Variants in ABCA6 observed in about 807,000 individuals in gnomAD.
ABCA6 encodes ATP-binding cassette sub-family A member 6.
In ABCA6, 164 loss-of-function variants were observed where a neutral mutation model predicts 191.2. That is an observed-to-expected ratio of 0.86 (90% CI 0.76 to 0.98). ABCA6 has a LOEUF of 0.98. Ranked by LOEUF, ABCA6 falls within the 50% of genes least tolerant of loss-of-function variation. The pLI, the probability that ABCA6 is intolerant of heterozygous loss-of-function variation, is 0.00. For missense variants in ABCA6, 1,958 were observed against 1,894.1 expected, an observed-to-expected ratio of 1.03 and a Z score of -0.63; for synonymous variants, 636 against 647.7, an observed-to-expected ratio of 0.98 and a Z score of 0.27.
intron 6 of ABCA6, among the ~76,000 whole-genome samples, chr17:69,130,929 C>T (rs2073850786): frequency 6.6e-6 from 1 of 152,186 alleles, no homozygotes; most frequent in Admixed American, 6.6e-5. Flanking sequence ...ATAAAGTATG[C>T]TGCACCCTTA....
chr17:69,119,847 AAAC>A (rs1396510972), intron 10 of ABCA6, among the ~76,000 whole-genome samples: 1 of 152,098 alleles, frequency 6.6e-6, no homozygotes, highest in African/African-American at 2.4e-5. Context: ...AAAAAATTAG[AAAC>A]AACTAGAATA....
At chr17:69,100,693 T>A in intron 22 of ABCA6, 104 bp downstream of exon 22, 1 of 1,221,104 alleles carries the variant, frequency 8.2e-7, no homozygotes, top group Non-Finnish European at 1.1e-6. Flanking sequence ...AATAATAATT[T>A]TCAGGCTTAA....
In ABCA6 at chr17:69,079,059, A is replaced by G. The variant is rs769916771; in HGVS notation, c.4768T>C (p.Ser1590Pro). ...CTLEKVFLEL[S>P]KEQEVGNFDE... ...AAATTTCCTACTTCCTGTTCTTTAG[A>G]AAGCTCTAAGAATACCTAATTAGGA... Residue 1590 changes from serine to proline, a missense_variant, in exon 39 of 39, where the codon TCT (serine) becomes CCT (proline). By Grantham distance (74) the Ser-to-Pro change is moderately conservative. Transcript: ENST00000284425. The G allele has an allele frequency of 2.2e-5, 36 of 1,609,518 alleles. 1 individual carries two copies. Among genetic ancestry groups the G allele is most frequent in the Middle Eastern group, 1.7e-4 (1 of 6,056 alleles).
In ABCA6 at chr17:69,128,687, G is replaced by A; in HGVS notation, c.1051C>T (p.Leu351Phe). The A allele has an allele frequency of 6.2e-7, 1 of 1,613,444 alleles. No homozygotes were observed. Among genetic ancestry groups the A allele is most frequent in the South Asian group, 1.1e-5 (1 of 91,014 alleles). The change falls in exon 8 of 39, where the codon CTT (leucine) becomes TTT (phenylalanine). Residue 351 changes from leucine (L) to phenylalanine (F), a missense_variant. Leu to Phe is a conservative substitution (Grantham distance 22, BLOSUM62 0). Coordinates refer to ENST00000284425, the MANE Select transcript of ABCA6 (RefSeq NM_080284.3). ...AAAATCCACTCCAGAGATGAAGGAA[G>A]TTGTTCATAAAATACAGTGAATCCC... ...CLGFTVFYEQ[L>F]PSSLEWILNI... is the part of the protein sequence containing the mutation.
intron 37 of ABCA6, among the ~76,000 whole-genome samples, chr17:69,079,656 G>A (rs1163545293): frequency 6.6e-6 from 1 of 152,100 alleles, no homozygotes; most frequent in Non-Finnish European, 1.5e-5. Context: ...CTCTCTGCTG[G>A]ACTTCCCCAC....
intron 9 of ABCA6, 128 bp from the exon 10 acceptor site, chr17:69,123,535 T>G: frequency 1.9e-6 from 1 of 537,850 alleles, no homozygotes; most frequent in Non-Finnish European, 2.9e-6. Context: ...CTTCTAAAAC[T>G]CAATTTATTA....
At chr17:69,111,457 G>A (rs866344909) in intron 16 of ABCA6, 1 of 152,634 alleles carries the variant, frequency 6.6e-6, no homozygotes, top group Non-Finnish European at 1.5e-5. Context: ...GAGGGACCCA[G>A]TGGGAGGTAA....
In ABCA6 at chr17:69,088,160, C is replaced by A; in HGVS notation, c.3698+7G>T. 1 of 1,606,634 alleles carries A rather than the reference C, an allele frequency of 6.2e-7. No homozygotes were observed. The highest frequency in any genetic ancestry group is 8.5e-7 in the Non-Finnish European group (1 of 1,175,588). ...ATATTAAGTATAAAGTTAAATTTCA[C>A]CCCAACCTGAAAACAGGATCTTTTC... On this transcript the variant is annotated splice_region_variant and intron_variant, in intron 28 of 38. Transcript: ENST00000284425.
intron 25 of ABCA6, among the ~76,000 whole-genome samples, chr17:69,091,950 G>A (rs1255162571): frequency 1.3e-5 from 2 of 150,216 alleles, no homozygotes; most frequent in African/African-American, 2.5e-5. Flanking sequence ...AAGTTACATG[G>A]CTATTATAAA....
chr17:69,096,751 G>A lies in ABCA6; in HGVS notation c.3171C>T (p.Tyr1057=). Residue 1057 remains tyrosine (Y), a synonymous_variant, in exon 24 of 39, where the codon TAC becomes TAT. Transcript: ENST00000284425. The stretch of plus-strand genomic sequence containing the variant: ...CGTCCACTAGTGCCTGCCCACACCA[G>A]TAAGCAGAAGTGTAGAGGCCTGAAA... ...LWISGLYTSA[Y]WCGQALVDVS... 1.9e-6 allele frequency: 3 copies of A among 1,579,392 alleles called. No individual in the cohort carries two copies. The highest frequency in any genetic ancestry group is 2.3e-5 in the East Asian group (1 of 43,590).
At chr17:69,132,829 C>T (rs1449960422) in intron 6 of ABCA6, among the ~76,000 whole-genome samples, 1 of 152,056 alleles carries the variant, frequency 6.6e-6, no homozygotes, top group African/African-American at 2.4e-5. Context: ...TTTATTATGA[C>T]ACAAATACAT....
At chr17:69,082,041 T>C (rs984640459) in intron 36 of ABCA6, among the ~76,000 whole-genome samples, 1 of 152,144 alleles carries the variant, frequency 6.6e-6, no homozygotes, top group Non-Finnish European at 1.5e-5. Flanking sequence ...ATGTCCAAGA[T>C]TGGCCCTTTT....
At chr17:69,105,733 C>G (rs1471078186) in intron 19 of ABCA6, 105 bp from the exon 20 acceptor site, 1 of 928,826 alleles carries the variant, frequency 1.1e-6, no homozygotes. Flanking sequence ...TTATGCCAAT[C>G]ATGATTCTAG....
intron 13 of ABCA6, among the ~76,000 whole-genome samples, chr17:69,114,115 G>A (rs901945424): frequency 6.6e-6 from 1 of 152,116 alleles, no homozygotes; most frequent in East Asian, 1.9e-4. Flanking sequence ...ACATGCACAC[G>A]TATGTTTATT....
intron 22 of ABCA6, 46 bp from the exon 23 acceptor site, chr17:69,098,073 G>A (rs1343506799): frequency 1.5e-6 from 2 of 1,362,842 alleles, no homozygotes; most frequent in East Asian, 2.4e-5. Flanking sequence ...TTTGTTAAAT[G>A]AAACAAATAA....
chr17:69,093,925 T>C (rs1325488319), intron 25 of ABCA6, among the ~76,000 whole-genome samples: 2 of 152,176 alleles, frequency 1.3e-5, no homozygotes, highest in Non-Finnish European at 2.9e-5. Flanking sequence ...GCGGTGTAAT[T>C]TTGTTTTTAT....
intron 11 of ABCA6, among the ~76,000 whole-genome samples, chr17:69,116,916 T>C (rs1257758929): frequency 6.6e-6 from 1 of 152,116 alleles, no homozygotes; most frequent in African/African-American, 2.4e-5. Context: ...ATGAACAAAA[T>C]TCTTAAAGAA....
chr17:69,097,936 C>T lies in ABCA6; in HGVS notation c.3104G>A (p.Ser1035Asn). 2.5e-6 allele frequency: 4 copies of T among 1,597,826 alleles called. No individual in the cohort carries two copies. In the African/African-American group the frequency reaches 5.4e-5, roughly 22 times the overall value. ...TTTTCTTACCTTGTAATCACTGATG[C>T]TGCCCATGGTGATATAAGGAGAAAT... ...CSISPYITMG[S>N]ISDYKKNAKS... Residue 1035 changes from serine (S) to asparagine (N), a missense_variant, in exon 23 of 39, where the codon AGC (serine) becomes AAC (asparagine). Physicochemically the swap from Ser to Asn is conservative, Grantham distance 46. Coordinates refer to ENST00000284425, the MANE Select transcript of ABCA6 (RefSeq NM_080284.3).
Position 69,124,105 on chromosome 17 carries a change from T to C in ABCA6, c.1268-698A>G, listed in dbSNP as rs182435592. Among the ~76,000 whole-genome samples the C allele has an allele frequency of 1.2e-4, 18 of 152,108 alleles. No individual in the cohort carries two copies. In the East Asian group the frequency reaches 3.1e-3, roughly 26 times the overall value. ...ATATTCCTGCTTAGGCATGAATACA[T>C]GGAGAAACTGTATTTGTTTAGAATA... On this transcript the variant is annotated intron_variant, in intron 9 of 38. Coordinates refer to ENST00000284425, the MANE Select transcript of ABCA6 (RefSeq NM_080284.3).
Sources: allele counts gnomAD v4.1 joint callset (sites outside exome capture counted in the v4.1 genomes callset), GRCh38; gene constraint gnomAD v4.1.1; transcripts MANE v1.5; gene names NCBI Gene and HGNC (gene_info 2026-07-23, HGNC 2026-07-21).